DGKB: variants seen among roughly 807,000 people sequenced by gnomAD.
DGKB encodes the protein 90 kDa diacylglycerol kinase.
In DGKB, 67 loss-of-function variants were observed where a neutral mutation model predicts 114.3. The observed-to-expected ratio is 0.59, with a 90% confidence interval of 0.48 to 0.72. The LOEUF (loss-of-function observed/expected upper bound fraction) is 0.72, where lower values mean the gene tolerates loss of function less well. Ranked by LOEUF, DGKB falls within the 30% of genes least tolerant of loss-of-function variation. The pLI is 0.00. For synonymous variants in DGKB, 398 were observed against 323.1 expected, an observed-to-expected ratio of 1.23 and a Z score of -2.49; for missense variants, 907 against 975.2, an observed-to-expected ratio of 0.93 and a Z score of 0.93.
intron 7 of DGKB, among the ~76,000 whole-genome samples, chr7:14,700,918 T>C (rs545994033): frequency 2.6e-5 from 4 of 152,278 alleles, no homozygotes; most frequent in Admixed American, 6.5e-5. Context: ...TAATATAATA[T>C]GCAAAATATG....
At chr7:14,327,451 T>C (rs980137683) in intron 23 of DGKB, among the ~76,000 whole-genome samples, 7 of 152,066 alleles carry the variant, frequency 4.6e-5, no homozygotes, top group Non-Finnish European at 8.8e-5. Flanking sequence ...TTGAAAATAA[T>C]ATCTAACTGC....
At chr7:14,549,828 A>C (rs373343622) in intron 20 of DGKB, among the ~76,000 whole-genome samples, 1 of 152,134 alleles carries the variant, frequency 6.6e-6, no homozygotes, top group East Asian at 1.9e-4. Context: ...CTCTACTAAA[A>C]AATATAAAAA....
intron 20 of DGKB, among the ~76,000 whole-genome samples, chr7:14,559,524 T>C (rs2128666226): frequency 6.6e-6 from 1 of 152,320 alleles, no homozygotes; most frequent in East Asian, 1.9e-4. Flanking sequence ...GCAATAATCT[T>C]ATGCAACCTT....
chr7:14,372,828 C>A (rs777954352), intron 21 of DGKB, among the ~76,000 whole-genome samples: 1 of 152,128 alleles, frequency 6.6e-6, no homozygotes, highest in Non-Finnish European at 1.5e-5. Context: ...TCCATTGAAT[C>A]TGCCCATCCA....
At chr7:14,716,979 G>A (rs1040043153) in intron 6 of DGKB, among the ~76,000 whole-genome samples, 1 of 151,822 alleles carries the variant, frequency 6.6e-6, no homozygotes, top group Non-Finnish European at 1.5e-5. Context: ...GTGTAAGCTT[G>A]AAAAAAAGCT....
At chr7:14,684,039 C>T (rs575731461) in intron 10 of DGKB, among the ~76,000 whole-genome samples, 5 of 152,060 alleles carry the variant, frequency 3.3e-5, no homozygotes, top group Non-Finnish European at 7.4e-5. Context: ...AAAGTACTTC[C>T]TTTGTATAGG....
intron 23 of DGKB, among the ~76,000 whole-genome samples, chr7:14,271,748 T>C (rs533469042): frequency 2.0e-5 from 3 of 152,316 alleles, no homozygotes; most frequent in Admixed American, 6.5e-5. Flanking sequence ...AGTTGGGACT[T>C]AGACGGGAAA....
At chr7:14,957,859 A>C (rs1786600638) in intron 1 of DGKB, among the ~76,000 whole-genome samples, 1 of 152,098 alleles carries the variant, frequency 6.6e-6, no homozygotes, top group African/African-American at 2.4e-5. Flanking sequence ...TAAATGAATG[A>C]TACAAATAAA....
chr7:14,918,934 G>A (rs1302118671), intron 1 of DGKB, among the ~76,000 whole-genome samples: 2 of 151,794 alleles, frequency 1.3e-5, no homozygotes, highest in Non-Finnish European at 2.9e-5. Context: ...GTGGTGGCAG[G>A]TGCCTGTAAT....
intron 20 of DGKB, among the ~76,000 whole-genome samples, chr7:14,496,751 C>T (rs1350994321): frequency 1.3e-5 from 2 of 151,602 alleles, no homozygotes; most frequent in Non-Finnish European, 3.0e-5. Flanking sequence ...ATAACTTTTG[C>T]TACAAAGATG....
intron 21 of DGKB, among the ~76,000 whole-genome samples, chr7:14,454,910 T>C (rs918690143): frequency 6.6e-6 from 1 of 152,040 alleles, no homozygotes; most frequent in Non-Finnish European, 1.5e-5. Context: ...TCTACTCTCA[T>C]AGGTGATGAA....
intron 13 of DGKB, among the ~76,000 whole-genome samples, chr7:14,632,313 C>T (rs966029694): frequency 3.3e-5 from 5 of 151,714 alleles, no homozygotes; most frequent in Non-Finnish European, 1.5e-5. Flanking sequence ...TGTCCTTAGT[C>T]TTAGAAGGTG....
upstream of DGKB, among the ~76,000 whole-genome samples, chr7:14,904,712 G>A (rs914466310): frequency 1.3e-5 from 2 of 152,050 alleles, no homozygotes; most frequent in Admixed American, 6.5e-5. Flanking sequence ...ATTTTTTAAC[G>A]TCAAAATTCT....
chr7:14,661,783 T>C (rs919240514), intron 13 of DGKB, among the ~76,000 whole-genome samples: 2 of 151,840 alleles, frequency 1.3e-5, no homozygotes, highest in Non-Finnish European at 2.9e-5. Context: ...TTATTCACAA[T>C]AGCAAAGACT....
At chr7:14,667,113 C>T (rs545371841) in intron 13 of DGKB, among the ~76,000 whole-genome samples, 21 of 152,016 alleles carry the variant, frequency 1.4e-4, no homozygotes, top group Admixed American at 7.2e-4. Flanking sequence ...AGAGGAGATG[C>T]TTACCTTGCT....
chr7:14,656,667 G>C (rs1480449140), intron 13 of DGKB, among the ~76,000 whole-genome samples: 1 of 150,820 alleles, frequency 6.6e-6, no homozygotes, highest in African/African-American at 2.4e-5. Context: ...TGTGGCACAA[G>C]TTTGATTTTT....
intron 4 of DGKB, among the ~76,000 whole-genome samples, chr7:14,737,646 G>A (rs150580908): frequency 2.0e-5 from 3 of 152,008 alleles, no homozygotes; most frequent in Non-Finnish European, 4.4e-5. Context: ...TTTATCAATA[G>A]TCCCAAGATT....
At chr7:14,542,760 A>G (rs1793669041) in intron 20 of DGKB, among the ~76,000 whole-genome samples, 1 of 152,214 alleles carries the variant, frequency 6.6e-6, no homozygotes, top group Non-Finnish European at 1.5e-5. Context: ...CTGTCCCGGC[A>G]GATTGCCACT....
rs193229167 is a variant in DGKB, at chr7:14,709,935, G to A, written c.467-8205C>T. The stretch of plus-strand genomic sequence containing the variant: ...TACATATGTAACTAACCTGCACAAT[G>A]TGCACATGTACCCTAAAACTTAAAG... On this transcript the variant is annotated intron_variant, in intron 6 of 25. Coordinates refer to ENST00000402815, the MANE Select transcript of DGKB (RefSeq NM_001350709.2). Among the ~76,000 whole-genome samples, 357 of 147,924 alleles carry A rather than the reference G, an allele frequency of 2.4e-3. 1 individual carries two copies. Among genetic ancestry groups the A allele is most frequent in the African/African-American group, 8.5e-3 (338 of 39,858 alleles).
Sources: allele counts gnomAD v4.1 joint callset (sites outside exome capture counted in the v4.1 genomes callset), GRCh38; gene constraint gnomAD v4.1.1; transcripts MANE v1.5; gene names NCBI Gene and HGNC (gene_info 2026-07-23, HGNC 2026-07-21).